Variants in CMSS1 observed in about 807,000 individuals in gnomAD.
The protein encoded by CMSS1 is cms1 ribosomal small subunit homolog, also known as protein CMSS1.
In CMSS1, 33 loss-of-function variants were observed where a neutral mutation model predicts 43.5. That is an observed-to-expected ratio of 0.76 (90% CI 0.57 to 1.01). The LOEUF (loss-of-function observed/expected upper bound fraction) is 1.01, where lower values mean the gene tolerates loss of function less well. Ranked by LOEUF, CMSS1 falls within the 50% of genes least tolerant of loss-of-function variation. The pLI, the probability that CMSS1 is intolerant of heterozygous loss-of-function variation, is 0.00. For synonymous variants in CMSS1, 115 were observed against 117.2 expected (o/e 0.98, Z 0.12); for missense variants, 313 against 326.4 (o/e 0.96, Z 0.32).
chr3:100,115,072 T>G, intron 1 of CMSS1: 2 of 1,034,876 alleles, frequency 1.9e-6, no homozygotes, highest in South Asian at 2.8e-5. Flanking sequence ...TACTTAGGAT[T>G]GCTAAAATTT....
At chr3:99,913,309 A>G (rs1479652446) in intron 1 of CMSS1, among the ~76,000 whole-genome samples, 2 of 152,186 alleles carry the variant, frequency 1.3e-5, no homozygotes, top group Admixed American at 6.5e-5. Context: ...ACCATTTTAC[A>G]TTACTACACA....
chr3:99,989,106 G>A (rs1248158080), intron 1 of CMSS1, among the ~76,000 whole-genome samples: 4 of 152,132 alleles, frequency 2.6e-5, no homozygotes. Context: ...AGTTCATAGG[G>A]TGCTTTCATA....
At chr3:100,006,547 A>G (rs1311254690) in intron 1 of CMSS1, among the ~76,000 whole-genome samples, 2 of 152,112 alleles carry the variant, frequency 1.3e-5, no homozygotes, top group African/African-American at 4.8e-5. Flanking sequence ...CATGAAGGCT[A>G]TCATTCAAAT....
intron 1 of CMSS1, among the ~76,000 whole-genome samples, chr3:99,837,481 A>G (rs1241265354): frequency 1.3e-5 from 2 of 152,008 alleles, no homozygotes; most frequent in African/African-American, 4.8e-5. Context: ...AAAGGATAAT[A>G]ATGCATTTTT....
At chr3:99,903,703 C>T (rs1204659407) in intron 1 of CMSS1, among the ~76,000 whole-genome samples, 2 of 152,152 alleles carry the variant, frequency 1.3e-5, no homozygotes, top group Non-Finnish European at 2.9e-5. Flanking sequence ...GGACCCTACA[C>T]AACATCCTTG....
At chr3:100,027,722 A>G (rs139568959) in intron 1 of CMSS1, among the ~76,000 whole-genome samples, 1 of 152,352 alleles carries the variant, frequency 6.6e-6, no homozygotes, top group African/African-American at 2.4e-5. Flanking sequence ...CTCTGAAGGT[A>G]GCACACATTT....
intron 2 of CMSS1, among the ~76,000 whole-genome samples, chr3:100,156,413 A>G (rs1197644467): frequency 7.1e-6 from 1 of 140,378 alleles, no homozygotes; most frequent in Non-Finnish European, 1.5e-5. Context: ...GGTTCAAGAG[A>G]TTTTCCTGCC....
At chr3:99,831,826 C>T (rs1041055964) in intron 1 of CMSS1, among the ~76,000 whole-genome samples, 1 of 152,204 alleles carries the variant, frequency 6.6e-6, no homozygotes, top group African/African-American at 2.4e-5. Flanking sequence ...TTCTTCAACT[C>T]AGGTGGTTGG....
chr3:99,938,303 C>A (rs745392409), intron 1 of CMSS1, among the ~76,000 whole-genome samples: 41 of 152,328 alleles, frequency 2.7e-4, no homozygotes, highest in South Asian at 1.0e-3. Flanking sequence ...GCACCATTAA[C>A]CATCATTAGT....
intron 1 of CMSS1, among the ~76,000 whole-genome samples, chr3:99,891,602 A>T (rs1186362494): frequency 1.3e-5 from 2 of 152,068 alleles, no homozygotes; most frequent in Non-Finnish European, 2.9e-5. Flanking sequence ...TGTTGGTGAG[A>T]CACTAGGTTA....
chr3:99,930,756 C>T, intron 1 of CMSS1: 1 of 1,612,512 alleles, frequency 6.2e-7, no homozygotes, highest in Non-Finnish European at 8.5e-7. Context: ...GGGATAACTC[C>T]AACCCAGCTG....
intron 1 of CMSS1, among the ~76,000 whole-genome samples, chr3:100,111,954 C>G (rs1296451021): frequency 6.6e-6 from 1 of 152,172 alleles, no homozygotes; most frequent in Admixed American, 6.6e-5. Flanking sequence ...ACTCTCTGTG[C>G]AGATTCCTAC....
At chr3:99,953,789 A>G (rs1001695583) in intron 1 of CMSS1, among the ~76,000 whole-genome samples, 4 of 152,196 alleles carry the variant, frequency 2.6e-5, no homozygotes, top group Non-Finnish European at 4.4e-5. Context: ...CAAACAGTCC[A>G]CATAGGCAAT....
chr3:99,942,594 G>A (rs773183079), intron 1 of CMSS1, among the ~76,000 whole-genome samples: 12 of 152,232 alleles, frequency 7.9e-5, no homozygotes, highest in Non-Finnish European at 1.3e-4. Flanking sequence ...CCCTTTGGGA[G>A]ACCGAGGCGG....
At chr3:99,906,801 T>C (rs1187314241) in intron 1 of CMSS1, among the ~76,000 whole-genome samples, 2 of 152,128 alleles carry the variant, frequency 1.3e-5, no homozygotes, top group Admixed American at 6.5e-5. Context: ...GTAGAAGAGA[T>C]GGTCATCCCT....
At chr3:99,839,334 A>G (rs1019808475) in intron 1 of CMSS1, among the ~76,000 whole-genome samples, 2 of 152,190 alleles carry the variant, frequency 1.3e-5, no homozygotes, top group African/African-American at 2.4e-5. Flanking sequence ...AATGAGCAAT[A>G]TTGCATGCTT....
chr3:99,855,295 G>A (rs901281733), intron 1 of CMSS1, among the ~76,000 whole-genome samples: 2 of 151,980 alleles, frequency 1.3e-5, no homozygotes, highest in Admixed American at 1.3e-4. Context: ...ATAGTTGGTG[G>A]GTCAGTAGCT....
chr3:100,070,234 G>A (rs1432503210), intron 1 of CMSS1, among the ~76,000 whole-genome samples: 1 of 152,166 alleles, frequency 6.6e-6, no homozygotes, highest in Non-Finnish European at 1.5e-5. Flanking sequence ...GTTAATTGAA[G>A]TTAGATTTTG....
intron 1 of CMSS1, among the ~76,000 whole-genome samples, chr3:99,991,630 G>C (rs545522324): frequency 2.2e-4 from 34 of 151,856 alleles, no homozygotes; most frequent in Non-Finnish European, 3.4e-4. Context: ...GTATTCTCCA[G>C]TGTCTGTTAT....
Sources: gnomAD v4.1 joint callset for allele counts (sites outside exome capture counted in the v4.1 genomes callset) on GRCh38, gnomAD v4.1.1 for gene constraint, MANE v1.5 for transcripts, NCBI Gene and HGNC (gene_info 2026-07-23, HGNC 2026-07-21) for gene names.